Variants in NAALADL2 observed in about 807,000 individuals in gnomAD.
The protein encoded by NAALADL2 is inactive N-acetylated-alpha-linked acidic dipeptidase-like protein 2.
NAALADL2 carries 76 observed loss-of-function variants against 87.2 expected under a neutral mutation model. The observed-to-expected ratio is 0.87, with a 90% CI of 0.72 to 1.05. The LOEUF is 1.05. NAALADL2 is among the 50% of genes least tolerant of loss of function. The probability of loss-of-function intolerance (pLI) is 0.00; values close to 1 mark genes in which losing one functional copy is unlikely to be tolerated. For missense variants in NAALADL2, 1,089 were observed against 945.8 expected (o/e 1.15, Z -1.99); for synonymous variants, 354 against 331.0 (o/e 1.07, Z -0.75).
At chr3:175,377,093 G>A (rs557355883) in intron 5 of NAALADL2, among the ~76,000 whole-genome samples, 3 of 151,882 alleles carry the variant, frequency 2.0e-5, no homozygotes, top group Non-Finnish European at 4.4e-5. Flanking sequence ...CAGGCAGATT[G>A]CTTGAGGCCA....
chr3:174,471,821 G>A (rs1716926320), intron 1 of NAALADL2, among the ~76,000 whole-genome samples: 1 of 152,070 alleles, frequency 6.6e-6, no homozygotes, highest in Admixed American at 6.6e-5. Context: ...TGTGTTCAAT[G>A]AGTGTTGGCT....
intron 9 of NAALADL2, among the ~76,000 whole-genome samples, chr3:175,539,065 G>GA (rs1711812046): frequency 6.6e-6 from 1 of 152,126 alleles, no homozygotes; most frequent in African/African-American, 2.4e-5. Context: ...GAAGGCCAAT[G>GA]AAAAAAATTA....
At chr3:174,834,228 G>A (rs376670563) in intron 3 of NAALADL2, among the ~76,000 whole-genome samples, 1 of 147,436 alleles carries the variant, frequency 6.8e-6, no homozygotes, top group African/African-American at 2.5e-5. Flanking sequence ...CTAAACAGAA[G>A]AGCAAAAGAG....
chr3:175,336,776 T>C (rs1037830550), intron 5 of NAALADL2, among the ~76,000 whole-genome samples: 5 of 152,200 alleles, frequency 3.3e-5, no homozygotes, highest in Non-Finnish European at 7.4e-5. Flanking sequence ...TTCCAGTTCA[T>C]TGCTAACCAT....
At chr3:174,664,096 T>C (rs1296943975) in intron 2 of NAALADL2, among the ~76,000 whole-genome samples, 1 of 152,142 alleles carries the variant, frequency 6.6e-6, no homozygotes, top group Non-Finnish European at 1.5e-5. Flanking sequence ...GCTATTCAAC[T>C]GTATTTCTTG....
At chr3:174,677,948 T>C (rs1727195956) in intron 2 of NAALADL2, among the ~76,000 whole-genome samples, 1 of 152,076 alleles carries the variant, frequency 6.6e-6, no homozygotes, top group Non-Finnish European at 1.5e-5. Flanking sequence ...TTGTTTATAA[T>C]ATGAGAGCTG....
At chr3:174,534,091 G>A (rs532940486) in intron 1 of NAALADL2, among the ~76,000 whole-genome samples, 10 of 152,006 alleles carry the variant, frequency 6.6e-5, no homozygotes, top group Non-Finnish European at 1.3e-4. Flanking sequence ...ATAAAAATTG[G>A]AACAAATTAG....
At chr3:175,070,308 GAATT>G (rs143389444) in intron 1 of NAALADL2, among the ~76,000 whole-genome samples, 16,776 of 151,616 alleles carry the variant, frequency 0.11, 1,050 homozygotes, top group East Asian at 0.21. Flanking sequence ...TTCGAACATA[GAATT>G]ATTAGACCTT....
intron 5 of NAALADL2, among the ~76,000 whole-genome samples, chr3:175,359,407 A>T (rs868301397): frequency 6.6e-6 from 1 of 152,122 alleles, no homozygotes; most frequent in South Asian, 2.1e-4. Flanking sequence ...GGCAATAACA[A>T]CAACAAGCCA....
At chr3:174,993,704 T>C (rs1250100295) in intron 1 of NAALADL2, among the ~76,000 whole-genome samples, 1 of 152,126 alleles carries the variant, frequency 6.6e-6, no homozygotes, top group East Asian at 1.9e-4. Context: ...AAAAAAATAA[T>C]ATGTATAGTA....
At chr3:175,627,842 A>G (rs1727204216) in intron 11 of NAALADL2, among the ~76,000 whole-genome samples, 4 of 151,782 alleles carry the variant, frequency 2.6e-5, no homozygotes, top group Admixed American at 1.3e-4. Context: ...TTGTATAATA[A>G]TATCAAATAT....
chr3:175,268,988 A>C (rs895553399), intron 4 of NAALADL2, among the ~76,000 whole-genome samples: 1 of 150,790 alleles, frequency 6.6e-6, no homozygotes, highest in Non-Finnish European at 1.5e-5. Flanking sequence ...ACCCAGGCTG[A>C]AATGCAGTGG....
At chr3:174,660,742 CAAAA>C (rs1157310299) in intron 2 of NAALADL2, among the ~76,000 whole-genome samples, 1 of 151,852 alleles carries the variant, frequency 6.6e-6, no homozygotes, top group South Asian at 2.1e-4. Flanking sequence ...TTTTAATAAA[CAAAA>C]AGAACATAAT....
At chr3:174,777,340 T>C (rs1249589670) in intron 3 of NAALADL2, among the ~76,000 whole-genome samples, 1 of 152,144 alleles carries the variant, frequency 6.6e-6, no homozygotes, top group Admixed American at 6.6e-5. Flanking sequence ...AATAAAGTCA[T>C]GAAAATTATA....
At chr3:175,302,660 A>G (rs1403552210) in intron 4 of NAALADL2, among the ~76,000 whole-genome samples, 1 of 152,150 alleles carries the variant, frequency 6.6e-6, no homozygotes, top group South Asian at 2.1e-4. Flanking sequence ...ATAATAATGT[A>G]TGTTAGAAAA....
At chr3:174,898,055 G>T (rs1731797571) in intron 1 of NAALADL2, among the ~76,000 whole-genome samples, 1 of 121,758 alleles carries the variant, frequency 8.2e-6, no homozygotes, top group Admixed American at 9.2e-5. Flanking sequence ...GGAGCTTGCA[G>T]TGAGCCGAGA....
At chr3:174,988,877 A>T (rs1402442341) in intron 1 of NAALADL2, among the ~76,000 whole-genome samples, 2 of 152,200 alleles carry the variant, frequency 1.3e-5, no homozygotes, top group Non-Finnish European at 2.9e-5. Context: ...TTGCTATAAA[A>T]ACTACCTGAG....
chr3:174,952,916 T>C (rs1395805659), intron 1 of NAALADL2, among the ~76,000 whole-genome samples: 1 of 152,058 alleles, frequency 6.6e-6, no homozygotes, highest in Non-Finnish European at 1.5e-5. Context: ...TCACTCTCAG[T>C]AGTGTCCCAG....
intron 11 of NAALADL2, among the ~76,000 whole-genome samples, chr3:175,661,384 T>A (rs1732238073): frequency 6.6e-6 from 1 of 152,028 alleles, no homozygotes. Flanking sequence ...TCATTTGAGT[T>A]CCTTATATAT....
Sources: gnomAD v4.1 joint callset for allele counts (sites outside exome capture counted in the v4.1 genomes callset) on GRCh38, gnomAD v4.1.1 for gene constraint, MANE v1.5 for transcripts, NCBI Gene and HGNC (gene_info 2026-07-23, HGNC 2026-07-21) for gene names.